Variants in PRKCA observed in about 807,000 individuals in gnomAD.
The protein encoded by PRKCA is protein kinase C alpha.
PRKCA carries 27 observed loss-of-function variants against 87.0 expected under a neutral mutation model. The ratio of observed to expected loss-of-function variants is 0.31; its 90% CI spans 0.23 to 0.43. The LOEUF (loss-of-function observed/expected upper bound fraction) is 0.43, where lower values mean the gene tolerates loss of function less well. PRKCA is among the 20% of genes least tolerant of loss of function. The probability of loss-of-function intolerance (pLI) is 1.00; values close to 1 mark genes in which losing one functional copy is unlikely to be tolerated. For missense variants in PRKCA, 518 were observed against 852.3 expected (o/e 0.61, Z 4.88); for synonymous variants, 329 against 311.1 (o/e 1.06, Z -0.61).
At chr17:66,466,704 A>G (rs1351451090) in intron 2 of PRKCA, among the ~76,000 whole-genome samples, 2 of 152,174 alleles carry the variant, frequency 1.3e-5, no homozygotes, top group Non-Finnish European at 1.5e-5. Flanking sequence ...TAATGCACAA[A>G]AACTTGAAAC....
At chr17:66,326,096 T>C (rs572498461) in intron 2 of PRKCA, among the ~76,000 whole-genome samples, 2 of 152,342 alleles carry the variant, frequency 1.3e-5, no homozygotes, top group Admixed American at 6.5e-5. Context: ...TATGTAGATA[T>C]CTTTTCTCAT....
chr17:66,418,056 T>C lies in PRKCA; in HGVS notation c.206-78145T>C, dbSNP rs149941871. Among the ~76,000 whole-genome samples the C allele has an allele frequency of 4.1e-3, 618 of 152,318 alleles. 5 individuals carry two copies. Among genetic ancestry groups the C allele is most frequent in the African/African-American group, 0.014 (587 of 41,586 alleles). ...GTGAGGATCACTCAGCACACATTTC[T>C]GTAAACTTTTTGGTGCGCGTGGGTT... On this transcript the variant is annotated intron_variant, in intron 2 of 16. Coordinates refer to ENST00000413366, the MANE Select transcript of PRKCA (RefSeq NM_002737.3).
At chr17:66,526,784 A>G (rs915721861) in intron 3 of PRKCA, among the ~76,000 whole-genome samples, 4 of 152,196 alleles carry the variant, frequency 2.6e-5, no homozygotes, top group African/African-American at 9.6e-5. Flanking sequence ...GCCAGTAATG[A>G]TATTCACCCC....
In PRKCA at chr17:66,773,993, G is replaced by A. The variant is rs750091036; in HGVS notation, c.1531G>A (p.Ala511Thr). 13 of 1,613,674 alleles carry A rather than the reference G, an allele frequency of 8.1e-6. No individual in the cohort carries two copies. Among genetic ancestry groups the A allele is most frequent in the Middle Eastern group, 1.6e-4 (1 of 6,082 alleles). ...TGTGTTTGTTTTCACACAGATAATC[G>A]CTTATCAGCCGTATGGAAAATCTGT... ...TPDYIAPEII[A>T]YQPYGKSVDW... Residue 511 changes from alanine (A) to threonine (T), a missense_variant, in exon 14 of 17, where the codon GCT becomes ACT. Around this residue, in one of 5 missense-constraint regions of PRKCA, gnomAD observed 159 missense variants for 232.4 expected, o/e 0.68. Transcript: ENST00000413366.
At chr17:66,412,255 C>G (rs962368727) in intron 2 of PRKCA, among the ~76,000 whole-genome samples, 6 of 152,076 alleles carry the variant, frequency 3.9e-5, no homozygotes, top group African/African-American at 1.4e-4. Flanking sequence ...CAGTGTTTCT[C>G]CATATTGGCC....
intron 2 of PRKCA, chr17:66,404,227 G>C (rs571071092): frequency 6.6e-6 from 1 of 152,312 alleles, no homozygotes; most frequent in Non-Finnish European, 1.5e-5. Flanking sequence ...GCAGGACCTC[G>C]TGCTAGGAGA....
At chr17:66,342,473 AT>A (rs1907106145) in intron 2 of PRKCA, among the ~76,000 whole-genome samples, 2 of 144,132 alleles carry the variant, frequency 1.4e-5, no homozygotes, top group African/African-American at 2.5e-5. Flanking sequence ...AATAATAATA[AT>A]AATAATAATA....
chr17:66,502,941 G>T (rs984059833), intron 3 of PRKCA, among the ~76,000 whole-genome samples: 2 of 152,218 alleles, frequency 1.3e-5, no homozygotes, highest in African/African-American at 4.8e-5. Context: ...TTACAGGCAT[G>T]AGCCACCGCG....
At chr17:66,352,605 C>T (rs572789660) in intron 2 of PRKCA, among the ~76,000 whole-genome samples, 2 of 110,484 alleles carry the variant, frequency 1.8e-5, no homozygotes, top group African/African-American at 3.4e-5. Context: ...CTCTCTGTTG[C>T]CAGGCTGGAG....
At chr17:66,570,903 C>T (rs140354434) in intron 3 of PRKCA, among the ~76,000 whole-genome samples, 158 of 152,242 alleles carry the variant, frequency 1.0e-3, no homozygotes, top group African/African-American at 3.5e-3. Context: ...AGCCATCCTC[C>T]GTGGGTACCT....
At chr17:66,372,878 G>A (rs1909197974) in intron 2 of PRKCA, among the ~76,000 whole-genome samples, 1 of 152,050 alleles carries the variant, frequency 6.6e-6, no homozygotes, top group Non-Finnish European at 1.5e-5. Flanking sequence ...CCAACACGGT[G>A]AAAACCCTGC....
At chr17:66,723,402 G>A (rs1335468796) in intron 8 of PRKCA, among the ~76,000 whole-genome samples, 1 of 152,218 alleles carries the variant, frequency 6.6e-6, no homozygotes, top group Non-Finnish European at 1.5e-5. Flanking sequence ...GCTGAGGCAG[G>A]TGGATCACTT....
chr17:66,712,058 T>G (rs995148440), intron 8 of PRKCA, among the ~76,000 whole-genome samples: 3 of 152,142 alleles, frequency 2.0e-5, no homozygotes, highest in Non-Finnish European at 2.9e-5. Context: ...GTCCCATGAT[T>G]CAATGCAGGG....
chr17:66,642,572 C>A (rs1047006015), intron 4 of PRKCA, among the ~76,000 whole-genome samples: 2 of 152,114 alleles, frequency 1.3e-5, no homozygotes, highest in African/African-American at 4.8e-5. Flanking sequence ...AGCCTATTGC[C>A]ATTTGCTAAT....
At chr17:66,738,329 A>G (rs1416895487) in intron 10 of PRKCA, among the ~76,000 whole-genome samples, 2 of 152,234 alleles carry the variant, frequency 1.3e-5, no homozygotes, top group Non-Finnish European at 2.9e-5. Flanking sequence ...CTACATTAGT[A>G]TGGCACGCCT....
At chr17:66,502,876 G>A (rs1192545173) in intron 3 of PRKCA, among the ~76,000 whole-genome samples, 2 of 151,688 alleles carry the variant, frequency 1.3e-5, no homozygotes, top group Non-Finnish European at 2.9e-5. Flanking sequence ...AGCCAGGATG[G>A]CCTCGATCTC....
chr17:66,340,691 T>C (rs1384190114), intron 2 of PRKCA, among the ~76,000 whole-genome samples: 1 of 152,342 alleles, frequency 6.6e-6, no homozygotes, highest in East Asian at 1.9e-4. Flanking sequence ...AATTGGATGC[T>C]GTTGTGTTCT....
intron 2 of PRKCA, among the ~76,000 whole-genome samples, chr17:66,390,116 G>A (rs9916507): frequency 0.012 from 1,791 of 152,238 alleles, 49 homozygotes; most frequent in African/African-American, 0.041. Context: ...CCAGCTACTC[G>A]GAGGCTGAGG....
intron 2 of PRKCA, among the ~76,000 whole-genome samples, chr17:66,379,274 A>G (rs1909653826): frequency 6.6e-6 from 1 of 152,256 alleles, no homozygotes; most frequent in Non-Finnish European, 1.5e-5. Context: ...TCCTACCAGC[A>G]GTATGGTAGA....
Sources: gnomAD v4.1 joint callset for allele counts (sites outside exome capture counted in the v4.1 genomes callset) on GRCh38, gnomAD v4.1.1 for gene constraint, gnomAD v4.1.1 regional missense constraint, MANE v1.5 for transcripts, NCBI Gene and HGNC (gene_info 2026-07-23, HGNC 2026-07-21) for gene names.